TEX36: variants seen among roughly 807,000 people sequenced by gnomAD.
TEX36 encodes the protein testis expressed 36.
Under a neutral mutation model 13.6 loss-of-function variants are expected in TEX36, and 12 were observed. That is an observed-to-expected ratio of 0.88 (90% CI 0.56 to 1.43). The LOEUF is 1.43. Ranked by LOEUF, TEX36 falls within the 40% of genes most tolerant of loss-of-function variation. The pLI is 0.00. For synonymous variants in TEX36, 93 were observed against 83.0 expected (o/e 1.12, Z -0.65); for missense variants, 224 against 228.3 (o/e 0.98, Z 0.12).
intron 1 of TEX36, among the ~76,000 whole-genome samples, chr10:125,674,672 GC>G (rs1847285377): frequency 6.6e-6 from 1 of 152,172 alleles, no homozygotes; most frequent in African/African-American, 2.4e-5. Context: ...TAACAGTCAG[GC>G]CCATCTTCCA....
At position 125,682,958 on chromosome 10, in the gene TEX36, G is replaced by C; in HGVS notation, c.32C>G (p.Ser11Ter). MTKGRRFNPP[S>*]DKDGRWFPHI... ...CCTTACCCATCTCCCATCCTTGTCT[G>C]AAGGTGGGTTGAAGCGTCGCCCTTT... The change falls in exon 1 of 4, where the codon TCA (serine) becomes TGA (stop). Residue 11 changes from serine to a stop codon, truncating the protein, a stop_gained. Transcript: ENST00000368821. LOFTEE classifies it high-confidence loss of function. 6.4e-7 allele frequency: 1 copy of C among 1,551,764 alleles called. No individual in the cohort carries two copies. Among genetic ancestry groups the C allele is most frequent in the South Asian group, 1.2e-5 (1 of 84,062 alleles).
At chr10:125,624,294 G>A (rs566793574) in intron 3 of TEX36, among the ~76,000 whole-genome samples, 1 of 152,312 alleles carries the variant, frequency 6.6e-6, no homozygotes, top group South Asian at 2.1e-4. Context: ...TGTGAATTTT[G>A]ACAGGATTCT....
At chr10:125,667,267 A>C (rs2050598660) in intron 1 of TEX36, 2 of 626,628 alleles carry the variant, frequency 3.2e-6, no homozygotes, top group Non-Finnish European at 6.1e-6. Flanking sequence ...GGGGTTCAGC[A>C]AGATGCCCTC....
intron 3 of TEX36, among the ~76,000 whole-genome samples, chr10:125,602,961 C>T (rs1237143921): frequency 1.3e-5 from 2 of 152,192 alleles, no homozygotes; most frequent in Non-Finnish European, 2.9e-5. Flanking sequence ...CTTGCCGTTC[C>T]AGTTCTGTCC....
At chr10:125,625,960 T>A (rs780849289) in intron 3 of TEX36, among the ~76,000 whole-genome samples, 1 of 152,200 alleles carries the variant, frequency 6.6e-6, no homozygotes, top group African/African-American at 2.4e-5. Context: ...GACCGCCCCC[T>A]GCCATGAAGG....
intron 3 of TEX36, among the ~76,000 whole-genome samples, chr10:125,631,591 C>A (rs976993560): frequency 2.6e-5 from 4 of 152,114 alleles, no homozygotes; most frequent in African/African-American, 7.2e-5. Context: ...CCAGGGGCAG[C>A]GTTGGGATGT....
chr10:125,578,641 T>C (rs1372372595), intron 3 of TEX36, among the ~76,000 whole-genome samples: 1 of 152,180 alleles, frequency 6.6e-6, no homozygotes. Context: ...CCTCTCATTT[T>C]CCATCCTGTC....
intron 1 of TEX36, among the ~76,000 whole-genome samples, chr10:125,669,402 C>T (rs2133604780): frequency 6.6e-6 from 1 of 152,066 alleles, no homozygotes; most frequent in African/African-American, 2.4e-5. Context: ...ATCACTTGAA[C>T]CTGGGAGGCG....
chr10:125,593,723 C>A lies in TEX36; in HGVS notation c.265-16849G>T, dbSNP rs914603833. On this transcript the variant is annotated intron_variant, in intron 3 of 3. Transcript: ENST00000532135. ...CTACAAATAGGCAAATTCATACAGACAGAAAGTAGAAGAGAGGTTACCTGG... is the reference window on the plus strand; with the variant it reads ...CTACAAATAGGCAAATTCATACAGAAAGAAAGTAGAAGAGAGGTTACCTGG... Among the ~76,000 whole-genome samples, 6 of 152,212 alleles carry A rather than the reference C, an allele frequency of 3.9e-5. No individual in the cohort carries two copies. The East Asian group carries it at 9.7e-4, about 24-fold the overall frequency.
chr10:125,596,190 C>A (rs894233203), intron 3 of TEX36, among the ~76,000 whole-genome samples: 1 of 135,180 alleles, frequency 7.4e-6, no homozygotes, highest in Non-Finnish European at 1.7e-5. Flanking sequence ...TTGCCTTATA[C>A]AGCAAAAGGG....
rs1459574252 is a variant in TEX36, at chr10:125,661,912, G to C, written c.117C>G (p.Pro39=). 3 of 1,552,256 alleles carry C rather than the reference G, an allele frequency of 1.9e-6. No individual in the cohort carries two copies. The South Asian group carries it at 3.6e-5, about 18-fold the overall frequency. ...CTTGCCGAGGCAAGTGTGGACTCTG[G>C]GGCTCTTTTGACGTAGCACTGGTGA... ...ESITSATSKE[P]QSPHLPRQAE... The change falls in exon 2 of 4, where the codon CCC becomes CCG. Residue 39 remains proline, a synonymous_variant. Coordinates refer to ENST00000368821, the MANE Select transcript of TEX36 (RefSeq NM_001128202.3).
At chr10:125,618,220 C>A (rs984638311), downstream of TEX36, among the ~76,000 whole-genome samples, 1 of 152,134 alleles carries the variant, frequency 6.6e-6, no homozygotes, top group Non-Finnish European at 1.5e-5. Context: ...AACTTCTTTG[C>A]CTTTGGTTTG....
At chr10:125,618,648 C>T (rs1846387827), downstream of TEX36, among the ~76,000 whole-genome samples, 1 of 151,970 alleles carries the variant, frequency 6.6e-6, no homozygotes, top group African/African-American at 2.4e-5. Context: ...TGCCTGCCTC[C>T]CAGCTCCACA....
intron 3 of TEX36, among the ~76,000 whole-genome samples, chr10:125,609,919 C>T (rs778226995): frequency 6.6e-6 from 1 of 152,180 alleles, no homozygotes; most frequent in Non-Finnish European, 1.5e-5. Flanking sequence ...GCTGATAAAA[C>T]AGGACGCAGT....
intron 1 of TEX36, among the ~76,000 whole-genome samples, chr10:125,680,253 G>A (rs1468005375): frequency 6.6e-6 from 1 of 152,182 alleles, no homozygotes; most frequent in Non-Finnish European, 1.5e-5. Context: ...CAGGCTGGGG[G>A]TTGGGGGAGG....
intron 3 of TEX36, among the ~76,000 whole-genome samples, chr10:125,603,211 G>A (rs188849959): frequency 1.3e-5 from 2 of 152,140 alleles, no homozygotes; most frequent in Non-Finnish European, 2.9e-5. Context: ...CCTCTCCATG[G>A]CCCCCCGCCA....
At chr10:125,608,896 A>G (rs1846251327) in intron 3 of TEX36, among the ~76,000 whole-genome samples, 1 of 146,604 alleles carries the variant, frequency 6.8e-6, no homozygotes. Flanking sequence ...GCACTTTGGG[A>G]GGCCGAGGAA....
Position 125,675,385 on chromosome 10 carries a change from T to A in TEX36, c.51+7554A>T, listed in dbSNP as rs138296614. On this transcript the variant is annotated intron_variant, in intron 1 of 3. Coordinates refer to ENST00000368821, the MANE Select transcript of TEX36 (RefSeq NM_001128202.3). ...TGACAGCTGCCCCTCTCCTGGGGAG[T>A]TCAGTCGTCTTAGGCAGCAGGCACC... is the stretch of plus-strand genomic sequence containing the variant. Among the ~76,000 whole-genome samples the A allele has an allele frequency of 2.5e-3, 377 of 149,470 alleles. 2 individuals are homozygous for A. The highest frequency in any genetic ancestry group is 8.9e-3 in the African/African-American group (358 of 40,436).
intron 3 of TEX36, among the ~76,000 whole-genome samples, chr10:125,629,437 A>G (rs1242629887): frequency 2.0e-5 from 3 of 152,180 alleles, no homozygotes; most frequent in African/African-American, 7.2e-5. Flanking sequence ...AAATCAGTGT[A>G]ATTGCTTCTT....
Sources: allele counts gnomAD v4.1 joint callset (sites outside exome capture counted in the v4.1 genomes callset), GRCh38; gene constraint gnomAD v4.1.1; transcripts MANE v1.5; gene names NCBI Gene and HGNC (gene_info 2026-07-23, HGNC 2026-07-21).